The following EDC3 variants were observed in gnomAD, a reference collection of about 807,000 sequenced individuals.
EDC3 encodes enhancer of mRNA decapping 3.
In EDC3, 20 loss-of-function variants were observed where a neutral mutation model predicts 41.8. The observed-to-expected ratio is 0.48, with a 90% CI of 0.34 to 0.70. EDC3 has a LOEUF of 0.70. Ranked by LOEUF, EDC3 falls within the 30% of genes least tolerant of loss-of-function variation. The pLI, the probability that EDC3 is intolerant of heterozygous loss-of-function variation, is 0.01. For synonymous variants in EDC3, 206 were observed against 243.2 expected (o/e 0.85, Z 1.42); for missense variants, 444 against 636.8 (o/e 0.70, Z 3.26).
chr15:74,635,067 T>C (rs1400402008), intron 6 of EDC3: 1 of 504,220 alleles, frequency 2.0e-6, no homozygotes, highest in African/African-American at 1.9e-5. Context: ...TACACAAGTA[T>C]GTTACATGTC....
intron 1 of EDC3, among the ~76,000 whole-genome samples, chr15:74,693,610 T>C (rs2063032447): frequency 6.6e-6 from 1 of 152,120 alleles, no homozygotes; most frequent in South Asian, 2.1e-4. Context: ...AACCTCTCCA[T>C]ACATAGATTT....
intron 5 of EDC3, chr15:74,638,182 A>G (rs1315223983): frequency 1.3e-5 from 2 of 152,256 alleles, no homozygotes; most frequent in Middle Eastern, 3.4e-3. Context: ...TGTGCCTTAC[A>G]TGCCGACGTT....
intron 1 of EDC3, among the ~76,000 whole-genome samples, chr15:74,690,138 A>G (rs1289861992): frequency 1.3e-5 from 2 of 152,362 alleles, no homozygotes; most frequent in African/African-American, 2.4e-5. Context: ...CAGCTAGCTA[A>G]CCAACACTTA....
rs1466170784 is a variant in EDC3 at position 74,635,584 on chromosome 15, T to C, written c.1017A>G (p.Leu339=). The change falls in exon 6 of 7, where the codon CTA becomes CTG. Residue 339 remains leucine, a synonymous_variant. Coordinates refer to ENST00000315127, the MANE Select transcript of EDC3 (RefSeq NM_025083.5). The part of the protein sequence containing the change: ...KNVHQRPTVA[L]LCGPHVKGAQ... ...CCCCCTTCACATGAGGTCCACACAG[T>C]AGAGCCACTGTAGGCCTCTGGTGAA... 1.2e-6 allele frequency: 2 copies of C among 1,614,184 alleles called. No homozygotes were observed. Among genetic ancestry groups the C allele is most frequent in the East Asian group, 2.2e-5 (1 of 44,890 alleles).
chr15:74,682,265 T>C (rs2062878071), intron 1 of EDC3, among the ~76,000 whole-genome samples: 1 of 152,136 alleles, frequency 6.6e-6, no homozygotes, highest in Non-Finnish European at 1.5e-5. Context: ...CAGGTTGCAG[T>C]GAGCCGTGAT....
intron 4 of EDC3, among the ~76,000 whole-genome samples, chr15:74,655,101 A>G (rs931866272): frequency 6.6e-6 from 1 of 152,162 alleles, no homozygotes; most frequent in Non-Finnish European, 1.5e-5. Flanking sequence ...AATCTGTTTT[A>G]TATGCCATAG....
chr15:74,675,652 G>A (rs1450785886), intron 1 of EDC3, among the ~76,000 whole-genome samples: 2 of 148,938 alleles, frequency 1.3e-5, no homozygotes, highest in East Asian at 2.0e-4. Context: ...GGTGCGAGGC[G>A]GGCAGATCAC....
intron 3 of EDC3, among the ~76,000 whole-genome samples, chr15:74,662,384 A>C (rs1365427319): frequency 6.6e-6 from 1 of 152,022 alleles, no homozygotes; most frequent in East Asian, 1.9e-4. Context: ...GCGTAAGTAC[A>C]CAAAACTCTG....
At chr15:74,661,130 A>G (rs1413863045) in intron 3 of EDC3, among the ~76,000 whole-genome samples, 1 of 152,250 alleles carries the variant, frequency 6.6e-6, no homozygotes, top group African/African-American at 2.4e-5. Context: ...TAAAGAAACT[A>G]TATGTTAAAT....
In EDC3 at chr15:74,631,576, G is replaced by A. The variant is rs2062208700; in HGVS notation, c.*1036C>T. 6.6e-6 allele frequency: 1 copy of A among 152,530 alleles called. No homozygotes were observed. Among genetic ancestry groups the A allele is most frequent in the Admixed American group, 6.5e-5 (1 of 15,286 alleles). 9.4% of individuals were successfully genotyped at this position (152,530 alleles called of 1,614,324 possible). ...TCAAAGCCCAGATGATGTAAGAGCT[G>A]GGGTGGAGCTCAAGCACGGGAGCCC... On this transcript the variant is annotated 3_prime_UTR_variant, in exon 7 of 7. Coordinates refer to ENST00000315127, the MANE Select transcript of EDC3 (RefSeq NM_025083.5).
intron 1 of EDC3, among the ~76,000 whole-genome samples, chr15:74,680,353 A>G (rs1039736989): frequency 6.6e-6 from 1 of 152,140 alleles, no homozygotes; most frequent in Non-Finnish European, 1.5e-5. Context: ...CAGAAAGCCA[A>G]TCAATGTAAT....
At chr15:74,672,995 C>T (rs1471726764) in intron 2 of EDC3, among the ~76,000 whole-genome samples, 1 of 151,986 alleles carries the variant, frequency 6.6e-6, no homozygotes, top group Non-Finnish European at 1.5e-5. Flanking sequence ...GGGAGAAAGG[C>T]ATCTCAGGTA....
chr15:74,645,666 C>T (rs2062406987), intron 4 of EDC3, among the ~76,000 whole-genome samples: 3 of 142,534 alleles, frequency 2.1e-5, no homozygotes, highest in African/African-American at 7.9e-5. Context: ...CTCAGGAGTT[C>T]GAGATCATCC....
intron 6 of EDC3, 196 bp downstream of exon 6, chr15:74,635,213 T>C (rs2062256710): frequency 2.8e-6 from 2 of 703,690 alleles, no homozygotes; most frequent in East Asian, 2.7e-5. Context: ...CCCCAGCTCT[T>C]CATGTGAGTA....
intron 3 of EDC3, among the ~76,000 whole-genome samples, chr15:74,668,048 T>C (rs2062696846): frequency 6.6e-6 from 1 of 152,152 alleles, no homozygotes; most frequent in African/African-American, 2.4e-5. Context: ...GTGATGAAAA[T>C]GGTACTTTAC....
rs1279005665 is a variant in EDC3 at position 74,686,825 on chromosome 15, A to G, written c.-19+9055T>C. 2.0e-5 allele frequency among the ~76,000 whole-genome samples: 3 copies of G among 151,810 alleles called. No individual in the cohort carries two copies. In the East Asian group the frequency reaches 5.8e-4, roughly 29 times the overall value. ...GGGAAAGGGGCAAAAAAGCATATAC[A>G]GCACTCCTCCAGGCCAGCCGCAATG... On this transcript the variant is annotated intron_variant, in intron 1 of 6. Transcript: ENST00000315127.
At chr15:74,636,497 C>T (rs1005489450) in intron 5 of EDC3, 10 of 152,180 alleles carry the variant, frequency 6.6e-5, no homozygotes, top group Admixed American at 2.6e-4. Context: ...TCAGAGAAGC[C>T]ACAAATAAGG....
chr15:74,690,171 TCTATC>T (rs1257329365), intron 1 of EDC3, among the ~76,000 whole-genome samples: 5 of 152,212 alleles, frequency 3.3e-5, no homozygotes, highest in African/African-American at 1.2e-4. Context: ...GTTATTAAAA[TCTATC>T]CTAACAATCT....
At chr15:74,686,766 CA>C (rs2062942696) in intron 1 of EDC3, among the ~76,000 whole-genome samples, 1 of 152,070 alleles carries the variant, frequency 6.6e-6, no homozygotes, top group South Asian at 2.1e-4. Context: ...CTAACAAGAG[CA>C]AGACTTTGTC....
Sources: allele counts gnomAD v4.1 joint callset (sites outside exome capture counted in the v4.1 genomes callset), GRCh38; gene constraint gnomAD v4.1.1; transcripts MANE v1.5; gene names NCBI Gene and HGNC (gene_info 2026-07-23, HGNC 2026-07-21).